The following MACROD2 variants were observed in gnomAD, a reference collection of about 807,000 sequenced individuals.
MACROD2 encodes the protein mono-ADP ribosylhydrolase 2.
MACROD2 carries 36 observed loss-of-function variants against 70.4 expected under a neutral mutation model. That is an observed-to-expected ratio of 0.51 (90% CI 0.39 to 0.68). MACROD2 has a LOEUF of 0.68. Ranked by LOEUF, MACROD2 falls within the 30% of genes least tolerant of loss-of-function variation. The pLI, the probability that MACROD2 is intolerant of heterozygous loss-of-function variation, is 0.00. For synonymous variants in MACROD2, 172 were observed against 178.8 expected, an observed-to-expected ratio of 0.96 and a Z score of 0.30; for missense variants, 496 against 538.4, an observed-to-expected ratio of 0.92 and a Z score of 0.78.
intron 8 of MACROD2, among the ~76,000 whole-genome samples, chr20:15,708,218 C>T (rs1228561370): frequency 6.6e-6 from 1 of 152,074 alleles, no homozygotes; most frequent in Non-Finnish European, 1.5e-5. Flanking sequence ...AGTTCCCCTG[C>T]CCTTGTGCAG....
At chr20:15,361,320 G>A (rs2078349060) in intron 6 of MACROD2, among the ~76,000 whole-genome samples, 3 of 152,116 alleles carry the variant, frequency 2.0e-5, no homozygotes, top group Non-Finnish European at 4.4e-5. Flanking sequence ...TGTTGAAAAG[G>A]TTATCCTTAC....
At chr20:14,784,843 G>GTTTTTTTTGCCTCTC (rs2072347911) in intron 5 of MACROD2, among the ~76,000 whole-genome samples, 1 of 151,958 alleles carries the variant, frequency 6.6e-6, no homozygotes, top group South Asian at 2.1e-4. Context: ...GCCTCTCTTA[G>GTTTTTTTTGCCTCTC]TTATAATTTT....
chr20:15,825,242 G>A (rs1254648170), intron 8 of MACROD2, among the ~76,000 whole-genome samples: 1 of 152,200 alleles, frequency 6.6e-6, no homozygotes, highest in East Asian at 1.9e-4. Context: ...ACCAGGTTAA[G>A]CCTAAACTTT....
intron 5 of MACROD2, among the ~76,000 whole-genome samples, chr20:14,957,427 CTT>C (rs1158921737): frequency 1.3e-5 from 2 of 152,148 alleles, no homozygotes; most frequent in Non-Finnish European, 2.9e-5. Context: ...AACAGGCACA[CTT>C]TGGGACATTG....
intron 8 of MACROD2, among the ~76,000 whole-genome samples, chr20:15,729,089 C>G (rs1217896267): frequency 6.6e-6 from 1 of 152,044 alleles, no homozygotes; most frequent in African/African-American, 2.4e-5. Context: ...TATCTTTGTT[C>G]CCATTAGTTT....
intron 8 of MACROD2, among the ~76,000 whole-genome samples, chr20:15,579,128 C>T (rs1027511056): frequency 6.6e-6 from 1 of 152,106 alleles, no homozygotes. Flanking sequence ...TTTGCTTTCT[C>T]TGGTTTTCTC....
intron 5 of MACROD2, among the ~76,000 whole-genome samples, chr20:14,862,167 ATAAATATATATAAATATATAT>A (rs1324255345): frequency 1.3e-4 from 3 of 23,132 alleles, no homozygotes; most frequent in South Asian, 1.5e-3. Context: ...ATAAATATAT[ATAAATATATATAAATATATAT>A]TTATACATAA....
chr20:14,769,117 G>T (rs1225658814), intron 5 of MACROD2, among the ~76,000 whole-genome samples: 1 of 152,042 alleles, frequency 6.6e-6, no homozygotes, highest in East Asian at 1.9e-4. Flanking sequence ...TACAAAAAGA[G>T]ATATGTTTTC....
At chr20:14,801,205 T>C (rs1293060998) in intron 5 of MACROD2, among the ~76,000 whole-genome samples, 1 of 152,184 alleles carries the variant, frequency 6.6e-6, no homozygotes, top group Non-Finnish European at 1.5e-5. Flanking sequence ...TTATAGCAGG[T>C]TAGCCAGCAT....
intron 8 of MACROD2, among the ~76,000 whole-genome samples, chr20:15,502,381 A>C (rs2047375220): frequency 6.6e-6 from 1 of 152,182 alleles, no homozygotes; most frequent in Admixed American, 6.5e-5. Flanking sequence ...GTTGAAGCAG[A>C]GAGACGAAAG....
intron 3 of MACROD2, among the ~76,000 whole-genome samples, chr20:14,188,742 A>G (rs905038268): frequency 3.9e-5 from 6 of 152,148 alleles, no homozygotes; most frequent in African/African-American, 1.4e-4. Flanking sequence ...GAGTTATGCC[A>G]GATGTACAAA....
intron 3 of MACROD2, among the ~76,000 whole-genome samples, chr20:14,432,053 T>C (rs2084000720): frequency 6.6e-6 from 1 of 152,176 alleles, no homozygotes; most frequent in Admixed American, 6.6e-5. Context: ...ATTCAGATTA[T>C]GTTTTAATGT....
At chr20:14,474,521 T>C (rs2084567329) in intron 3 of MACROD2, among the ~76,000 whole-genome samples, 1 of 152,144 alleles carries the variant, frequency 6.6e-6, no homozygotes, top group Admixed American at 6.5e-5. Context: ...GATGTATCTT[T>C]GTTGATTTTC....
At chr20:14,587,867 G>A (rs1231284105) in intron 4 of MACROD2, among the ~76,000 whole-genome samples, 3 of 152,064 alleles carry the variant, frequency 2.0e-5, no homozygotes, top group Middle Eastern at 3.4e-3. Context: ...CACCCTTTTA[G>A]TATATAATTC....
At chr20:15,966,556 T>A (rs1165848503) in intron 12 of MACROD2, among the ~76,000 whole-genome samples, 1 of 152,034 alleles carries the variant, frequency 6.6e-6, no homozygotes, top group Non-Finnish European at 1.5e-5. Context: ...AGTTTGGGCA[T>A]AATTACAAAA....
chr20:14,723,362 T>C (rs1019477042), intron 5 of MACROD2, among the ~76,000 whole-genome samples: 2 of 152,042 alleles, frequency 1.3e-5, no homozygotes, highest in African/African-American at 2.4e-5. Context: ...AAAAAAGAGA[T>C]AAAACATTGA....
intron 5 of MACROD2, among the ~76,000 whole-genome samples, chr20:15,009,703 C>A (rs2075066677): frequency 6.6e-6 from 1 of 151,636 alleles, no homozygotes; most frequent in South Asian, 2.1e-4. Context: ...AAGAAAACTC[C>A]TTCCCAGCTA....
chr20:13,995,553 G>C lies in MACROD2; in HGVS notation c.-211G>C. ...GGTGCTGCTGTGGCGGCGTCCGCGG[G>C]GCTGAGGCGGGTGGGAGCCGGAGCC... On this transcript the variant is annotated 5_prime_UTR_variant, in exon 1 of 18. Transcript: ENST00000684519. This position sits in a 1 kb window ranked among gnomAD's most constrained non-coding sequence, Gnocchi z 4.3. 1 of 648,400 alleles carries C rather than the reference G, an allele frequency of 1.5e-6. No individual in the cohort carries two copies. Among genetic ancestry groups the C allele is most frequent in the South Asian group, 1.8e-5 (1 of 56,952 alleles). 40.2% of individuals were successfully genotyped at this position (648,400 alleles called of 1,614,324 possible).
At chr20:14,614,391 A>G (rs937113222) in intron 4 of MACROD2, among the ~76,000 whole-genome samples, 17 of 152,010 alleles carry the variant, frequency 1.1e-4, no homozygotes, top group African/African-American at 2.2e-4. Context: ...TGCTCACCTC[A>G]CCCATTAAAT....
Sources: allele counts gnomAD v4.1 joint callset (sites outside exome capture counted in the v4.1 genomes callset), GRCh38; gene constraint gnomAD v4.1.1; non-coding constraint Gnocchi (gnomAD v3.1); transcripts MANE v1.5; gene names NCBI Gene and HGNC (gene_info 2026-07-23, HGNC 2026-07-21).